Variants in ACP7 observed in about 807,000 individuals in gnomAD.
ACP7 encodes acid phosphatase 7, tartrate resistant (putative), also known as acid phosphatase type 7.
ACP7 carries 58 observed loss-of-function variants against 60.6 expected under a neutral mutation model. The ratio of observed to expected loss-of-function variants is 0.96; its 90% confidence interval spans 0.77 to 1.19. The LOEUF (loss-of-function observed/expected upper bound fraction) is 1.19. ACP7 is among the 50% of genes most tolerant of loss of function. The probability of loss-of-function intolerance (pLI) is 0.00; values close to 1 mark genes in which losing one functional copy is unlikely to be tolerated. For missense variants in ACP7, 574 were observed against 596.2 expected (o/e 0.96, Z 0.39); for synonymous variants, 237 against 232.6 (o/e 1.02, Z -0.17).
chr19:39,091,129 C>G (rs2073199252), intron 2 of ACP7, among the ~76,000 whole-genome samples: 1 of 151,288 alleles, frequency 6.6e-6, no homozygotes, highest in Admixed American at 6.6e-5. Context: ...TGGGAAGCAC[C>G]TATTTCCCAC....
intron 3 of ACP7, 34 bp downstream of exon 3, chr19:39,098,692 G>T: frequency 6.3e-7 from 1 of 1,579,296 alleles, no homozygotes; most frequent in South Asian, 1.2e-5. Context: ...TGTTGAGGAG[G>T]AGTGGGAAGA....
intron 2 of ACP7, among the ~76,000 whole-genome samples, chr19:39,089,971 T>C (rs2073185743): frequency 6.6e-6 from 1 of 152,160 alleles, no homozygotes; most frequent in Admixed American, 6.6e-5. Flanking sequence ...AGTTAATAAA[T>C]ATCTTGAGGG....
At position 39,098,618 on chromosome 19, in the gene ACP7, C is replaced by A; in HGVS notation, c.282C>A (p.His94Gln). ...GGILRRKLYI[H>Q]RVTLRKLLPG... is the part of the protein sequence containing the mutation. Reference sequence around the variant, plus strand: ...TTCTCCGGCGGAAGCTCTACATACACCGAGTCACGCTTCGCAAGCTGCTGC... The same window carrying A: ...TTCTCCGGCGGAAGCTCTACATACAACGAGTCACGCTTCGCAAGCTGCTGC... Residue 94 changes from histidine to glutamine, a missense_variant, in exon 3 of 13, where the codon CAC becomes CAA. Coordinates refer to ENST00000331256, the MANE Select transcript of ACP7 (RefSeq NM_001004318.3). 1 of 1,613,460 alleles carries A rather than the reference C, an allele frequency of 6.2e-7. No individual in the cohort carries two copies. The highest frequency in any genetic ancestry group is 1.7e-4 in the Middle Eastern group (1 of 6,060).
chr19:39,110,358 G>A lies in ACP7; in HGVS notation c.*240G>A. On this transcript the variant is annotated 3_prime_UTR_variant, in exon 13 of 13. Coordinates refer to ENST00000331256, the MANE Select transcript of ACP7 (RefSeq NM_001004318.3). ...GCGGGCACAGAGTGACACACGGCAG[G>A]TTTCTGCTGGCAGGGCCCCACCCTC... 1.9e-6 allele frequency: 1 copy of A among 538,352 alleles called. No homozygotes were observed. The highest frequency in any genetic ancestry group is 3.1e-5 in the East Asian group (1 of 31,756). 33.3% of individuals were successfully genotyped at this position (538,352 alleles called of 1,614,324 possible). A position where few individuals can be genotyped will look rare whatever the true frequency, so the allele number is the denominator to read the frequency against.
At chr19:39,107,132 T>G (rs747678941) in intron 12 of ACP7, 48 bp downstream of exon 12, 41 of 1,584,486 alleles carry the variant, frequency 2.6e-5, no homozygotes, top group Middle Eastern at 3.4e-4. Context: ...GCCAGGCCCC[T>G]CCAAGCAAAT....
chr19:39,108,301 G>A lies in ACP7; in HGVS notation c.1251+1217G>A, dbSNP rs146715960. On this transcript the variant is annotated intron_variant, in intron 12 of 12. Coordinates refer to ENST00000331256, the MANE Select transcript of ACP7 (RefSeq NM_001004318.3). ...ATCACAGGCGCCCACCACCACACCC[G>A]GCTAATTTTTTGTATTTTTAGTAGA... Among the ~76,000 whole-genome samples, 761 of 151,752 alleles carry A rather than the reference G, an allele frequency of 5.0e-3. 10 individuals carry two copies. Among genetic ancestry groups the A allele is most frequent in the African/African-American group, 0.018 (736 of 41,372 alleles).
chr19:39,102,120 TCACACACA>T (rs561424510), intron 11 of ACP7, among the ~76,000 whole-genome samples: 4 of 145,760 alleles, frequency 2.7e-5, no homozygotes, highest in African/African-American at 7.8e-5. Flanking sequence ...ACCCTTTCTC[TCACACACA>T]CACACACACA....
rs750340616 is a variant in ACP7, at chr19:39,085,261, C to T, written c.-9C>T. On this transcript the variant is annotated 5_prime_UTR_variant, in exon 2 of 13. Coordinates refer to ENST00000331256, the MANE Select transcript of ACP7 (RefSeq NM_001004318.3). ...CTTTTCCCCGGTCTGCCATCACCAC[C>T]CCACCACCATGCACCCCCTTCCTGG... The T allele has an allele frequency of 4.3e-6, 7 of 1,610,656 alleles. No homozygotes were observed. The East Asian group carries it at 1.1e-4, about 26-fold the overall frequency.
chr19:39,107,316 C>T (rs1055575840), intron 12 of ACP7, among the ~76,000 whole-genome samples: 1 of 152,018 alleles, frequency 6.6e-6, no homozygotes, highest in Non-Finnish European at 1.5e-5. Flanking sequence ...GGCACGGTGG[C>T]TCATGCCTGT....
chr19:39,085,262 C>T lies in ACP7; in HGVS notation c.-8C>T. On this transcript the variant is annotated 5_prime_UTR_variant, in exon 2 of 13. Coordinates refer to ENST00000331256, the MANE Select transcript of ACP7 (RefSeq NM_001004318.3). ...TTTTCCCCGGTCTGCCATCACCACC[C>T]CACCACCATGCACCCCCTTCCTGGC... The T allele has an allele frequency of 1.9e-6, 3 of 1,610,818 alleles. No homozygotes were observed. Among genetic ancestry groups the T allele is most frequent in the Non-Finnish European group, 2.5e-6 (3 of 1,178,356 alleles).
At position 39,100,980 on chromosome 19, in the gene ACP7, G is replaced by C. The variant is rs747738931; in HGVS notation, c.839G>C (p.Trp280Ser). ...KANKNRAARP[W>S]IITMGHRPMY... ...AATAAGAACCGGGCAGCCCGGCCGT[G>C]GATCATCACTATGGGGCACCGGCCC... Residue 280 changes from tryptophan to serine, a missense_variant, in exon 8 of 13, where the codon TGG (tryptophan) becomes TCG (serine). Physicochemically the swap from Trp to Ser is radical, Grantham distance 177. Coordinates refer to ENST00000331256, the MANE Select transcript of ACP7 (RefSeq NM_001004318.3). 6.2e-7 allele frequency: 1 copy of C among 1,613,528 alleles called. No homozygotes were observed. The highest frequency in any genetic ancestry group is 1.7e-5 in the Admixed American group (1 of 59,960).
intron 2 of ACP7, among the ~76,000 whole-genome samples, chr19:39,086,640 AAGG>A (rs1568473253): frequency 1.1e-4 from 8 of 72,280 alleles, no homozygotes; most frequent in East Asian, 5.4e-4. Flanking sequence ...AAAAAAAAAA[AAGG>A]GGGGGGGGAG....
chr19:39,093,127 T>A (rs1234267348), intron 2 of ACP7, among the ~76,000 whole-genome samples: 1 of 146,912 alleles, frequency 6.8e-6, no homozygotes, highest in African/African-American at 2.5e-5. Context: ...TTTCTTTCTT[T>A]CCTTCTTCCC....
rs1013177608 is a variant in ACP7, at chr19:39,085,620, G to A, written c.121+230G>A. On this transcript the variant is annotated intron_variant, in intron 2 of 12. Transcript: ENST00000331256. ...AGAGAGTGCTCCCCTGCTCTCAAAA[G>A]GGGACCGCTGCTGTCCTTGTTCATT... 7.9e-5 allele frequency among the ~76,000 whole-genome samples: 12 copies of A among 152,186 alleles called. No homozygotes were observed. In the South Asian group the frequency reaches 2.5e-3, roughly 32 times the overall value.
intron 12 of ACP7, among the ~76,000 whole-genome samples, chr19:39,108,880 G>A (rs1192359918): frequency 6.6e-6 from 1 of 152,016 alleles, no homozygotes; most frequent in Non-Finnish European, 1.5e-5. Context: ...GAGTGCAGTG[G>A]TGCAATCTAA....
intron 2 of ACP7, among the ~76,000 whole-genome samples, chr19:39,088,083 G>A (rs766951296): frequency 6.6e-6 from 1 of 151,966 alleles, no homozygotes; most frequent in Non-Finnish European, 1.5e-5. Flanking sequence ...ATGCAATGGC[G>A]CAATCATAGC....
At chr19:39,096,511 T>C (rs1489050906) in intron 2 of ACP7, among the ~76,000 whole-genome samples, 1 of 152,218 alleles carries the variant, frequency 6.6e-6, no homozygotes, top group African/African-American at 2.4e-5. Flanking sequence ...TCAACAAGTC[T>C]CTAGGAAGTT....
intron 12 of ACP7, among the ~76,000 whole-genome samples, chr19:39,108,519 G>C (rs1360898683): frequency 6.6e-6 from 1 of 152,032 alleles, no homozygotes; most frequent in African/African-American, 2.4e-5. Context: ...AGGACTACAT[G>C]GGGGTTGAAG....
Position 39,099,133 on chromosome 19 carries a change from C to A in ACP7, c.496C>A (p.Leu166Ile). The change falls in exon 4 of 13, where the codon CTC (leucine) becomes ATC (isoleucine). Residue 166 changes from leucine (L) to isoleucine (I), a missense_variant. Leu to Ile is a conservative substitution (Grantham distance 5, BLOSUM62 2). Transcript: ENST00000331256. Reference protein sequence around the residue: ...DTQQGMYDAVLHVGDFAYNLD... With the variant: ...DTQQGMYDAVIHVGDFAYNLD... ...CCAGCAGGGCATGTATGACGCCGTT[C>A]TCCATGTGGGTGAGGCATCCGCAGG... 6.5e-7 allele frequency: 1 copy of A among 1,543,546 alleles called. No homozygotes were observed. Among genetic ancestry groups the A allele is most frequent in the South Asian group, 1.2e-5 (1 of 81,758 alleles).
Sources: allele counts gnomAD v4.1 joint callset (sites outside exome capture counted in the v4.1 genomes callset), GRCh38; gene constraint gnomAD v4.1.1; transcripts MANE v1.5; gene names NCBI Gene and HGNC (gene_info 2026-07-23, HGNC 2026-07-21).